The following SUPT3H variants were observed in gnomAD, a reference collection of about 807,000 sequenced individuals.
The protein encoded by SUPT3H is transcription initiation protein SPT3 homolog.
A neutral mutation model predicts 44.3 loss-of-function variants in SUPT3H; 44 were observed. The ratio of observed to expected loss-of-function variants is 0.99; its 90% CI spans 0.78 to 1.28. SUPT3H has a LOEUF of 1.28. Among genes scored for constraint, SUPT3H ranks in the 50% most tolerant of loss-of-function variants. The pLI is 0.00. For synonymous variants in SUPT3H, 124 were observed against 125.6 expected (o/e 0.99, Z 0.09); for missense variants, 380 against 387.1 (o/e 0.98, Z 0.15).
At chr6:45,007,922 A>T (rs969777040) in intron 5 of SUPT3H, among the ~76,000 whole-genome samples, 2 of 152,152 alleles carry the variant, frequency 1.3e-5, no homozygotes, top group African/African-American at 4.8e-5. Flanking sequence ...ATTTCATATA[A>T]ATAGAATAAA....
chr6:44,992,708 A>G (rs1431155034), intron 6 of SUPT3H, among the ~76,000 whole-genome samples: 2 of 152,168 alleles, frequency 1.3e-5, no homozygotes, highest in Non-Finnish European at 1.5e-5. Context: ...CCAAAAACTA[A>G]CAGTAAAGAA....
At chr6:44,996,450 CAT>C (rs1301556011) in intron 6 of SUPT3H, among the ~76,000 whole-genome samples, 1 of 151,698 alleles carries the variant, frequency 6.6e-6, no homozygotes, top group Non-Finnish European at 1.5e-5. Flanking sequence ...TTGAAACAGA[CAT>C]AATTTTTATA....
intron 6 of SUPT3H, among the ~76,000 whole-genome samples, chr6:44,974,020 A>G (rs1777967394): frequency 6.6e-6 from 1 of 152,114 alleles, no homozygotes; most frequent in Non-Finnish European, 1.5e-5. Flanking sequence ...TTGCTATAAC[A>G]GACTCCTAAT....
chr6:45,201,160 G>A (rs1014277006), intron 2 of SUPT3H, among the ~76,000 whole-genome samples: 2 of 151,410 alleles, frequency 1.3e-5, no homozygotes, highest in East Asian at 1.9e-4. Flanking sequence ...TGAATGATAC[G>A]GGTAACATAA....
intron 2 of SUPT3H, among the ~76,000 whole-genome samples, chr6:45,330,642 T>C (rs1787281192): frequency 6.6e-6 from 1 of 152,048 alleles, no homozygotes; most frequent in Non-Finnish European, 1.5e-5. Context: ...AGGGATCTTA[T>C]ACTTCTGTAA....
chr6:44,875,357 A>T (rs1190517854), intron 10 of SUPT3H, among the ~76,000 whole-genome samples: 2 of 38,342 alleles, frequency 5.2e-5, no homozygotes, highest in South Asian at 3.4e-3. Flanking sequence ...GCATATCTAC[A>T]ACTATCTGAT....
At chr6:45,192,512 C>T (rs1815314413) in intron 2 of SUPT3H, among the ~76,000 whole-genome samples, 1 of 151,776 alleles carries the variant, frequency 6.6e-6, no homozygotes, top group Admixed American at 6.6e-5. Flanking sequence ...TGTTTATAAC[C>T]CAAATAAGTC....
chr6:45,211,843 G>T (rs935393911), intron 2 of SUPT3H, among the ~76,000 whole-genome samples: 2 of 146,226 alleles, frequency 1.4e-5, no homozygotes, highest in African/African-American at 5.0e-5. Context: ...GCAAGACTCC[G>T]TCTCAACTAA....
intron 2 of SUPT3H, among the ~76,000 whole-genome samples, chr6:45,184,197 T>A (rs1813775022): frequency 6.6e-6 from 1 of 152,228 alleles, no homozygotes; most frequent in South Asian, 2.1e-4. Flanking sequence ...TAAATCTTTT[T>A]AAGTTTTAGA....
chr6:45,294,986 A>G, intron 2 of SUPT3H, among the ~76,000 whole-genome samples: 1 of 152,134 alleles, frequency 6.6e-6, no homozygotes, highest in Non-Finnish European at 1.5e-5. Flanking sequence ...TCACTGAATT[A>G]GAGAAAAACA....
intron 2 of SUPT3H, among the ~76,000 whole-genome samples, chr6:45,237,396 A>AGGTTGAAT (rs1459342764): frequency 6.6e-6 from 1 of 152,212 alleles, no homozygotes; most frequent in Non-Finnish European, 1.5e-5. Context: ...ATATTCAACC[A>AGGTTGAAT]ATTATAACTT....
intron 2 of SUPT3H, among the ~76,000 whole-genome samples, chr6:45,307,368 C>G (rs902448991): frequency 6.6e-6 from 1 of 152,214 alleles, no homozygotes; most frequent in Non-Finnish European, 1.5e-5. Context: ...AGGCACCCCC[C>G]AGTAGGGGCA....
intron 2 of SUPT3H, among the ~76,000 whole-genome samples, chr6:45,182,368 C>T (rs781163938): frequency 6.6e-6 from 1 of 152,172 alleles, no homozygotes; most frequent in Non-Finnish European, 1.5e-5. Flanking sequence ...TCAAGTGATT[C>T]TCATGCCTCA....
At chr6:45,150,039 T>C (rs780242318) in intron 2 of SUPT3H, among the ~76,000 whole-genome samples, 8 of 151,994 alleles carry the variant, frequency 5.3e-5, no homozygotes, top group Non-Finnish European at 7.4e-5. Context: ...CCAGCATCAA[T>C]GTTTTTTTTA....
chr6:45,040,630 A>T (rs1788385401), intron 3 of SUPT3H, among the ~76,000 whole-genome samples: 1 of 152,158 alleles, frequency 6.6e-6, no homozygotes, highest in Admixed American at 6.5e-5. Flanking sequence ...AGAAATTCAT[A>T]CTCTTGAACA....
At chr6:45,211,494 T>C (rs969930671) in intron 2 of SUPT3H, among the ~76,000 whole-genome samples, 4 of 152,184 alleles carry the variant, frequency 2.6e-5, no homozygotes, top group Non-Finnish European at 5.9e-5. Context: ...GCTTTCCAAG[T>C]AGAGGACAAC....
chr6:44,942,040 T>C (rs906265124), intron 9 of SUPT3H, among the ~76,000 whole-genome samples: 1 of 152,024 alleles, frequency 6.6e-6, no homozygotes, highest in African/African-American at 2.4e-5. Context: ...GTAAAATAAC[T>C]CCAATTTAAT....
intron 2 of SUPT3H, among the ~76,000 whole-genome samples, chr6:45,255,345 C>A (rs958843201): frequency 6.6e-6 from 1 of 151,100 alleles, no homozygotes; most frequent in South Asian, 2.1e-4. Context: ...TAAGTGCTTG[C>A]TCTGCACCAA....
At chr6:44,869,404 C>T (rs902244771) in intron 10 of SUPT3H, among the ~76,000 whole-genome samples, 13 of 152,126 alleles carry the variant, frequency 8.5e-5, no homozygotes, top group African/African-American at 2.7e-4. Context: ...AGAGGTGAAA[C>T]TCTGAGCAGT....
Sources: allele counts gnomAD v4.1 joint callset (sites outside exome capture counted in the v4.1 genomes callset), GRCh38; gene constraint gnomAD v4.1.1; transcripts MANE v1.5; gene names NCBI Gene and HGNC (gene_info 2026-07-23, HGNC 2026-07-21).